ADAMTS7: variants seen among roughly 807,000 people sequenced by gnomAD.
ADAMTS7 encodes the protein A disintegrin and metalloproteinase with thrombospondin motifs 7.
A neutral mutation model predicts 172.6 loss-of-function variants in ADAMTS7; 89 were observed. That is an observed-to-expected ratio of 0.52 (90% CI 0.43 to 0.61). The LOEUF is 0.61. Ranked by LOEUF, ADAMTS7 falls within the 20% of genes least tolerant of loss-of-function variation. The pLI is 0.00. For synonymous variants in ADAMTS7, 885 were observed against 978.4 expected (o/e 0.90, Z 1.78); for missense variants, 1,973 against 2,355.6 (o/e 0.84, Z 3.36).
intron 22 of ADAMTS7, among the ~76,000 whole-genome samples, chr15:78,763,124 T>TC (rs1446065353): frequency 2.3e-4 from 35 of 152,160 alleles, no homozygotes; most frequent in African/African-American, 7.7e-4. Flanking sequence ...GACCCTCCTC[T>TC]CCTAAGCTGT....
At position 78,800,316 on chromosome 15, in the gene ADAMTS7, C is replaced by A. The variant is rs780154071; in HGVS notation, c.332G>T (p.Arg111Leu). Reference sequence around the variant, plus strand: ...CGCGCGGCCCAGGCCGCCGCGCCGCCGCGTCTCGCTCACAAAGCCGGGCGC... The same window carrying A: ...CGCGCGGCCCAGGCCGCCGCGCCGCAGCGTCTCGCTCACAAAGCCGGGCGC... ...LLAPGFVSET[R>L]RRGGLGRAHI... is the part of the protein sequence containing the mutation. Residue 111 changes from arginine to leucine, a missense_variant, in exon 2 of 24, where the codon CGG becomes CTG. Coordinates refer to ENST00000388820, the MANE Select transcript of ADAMTS7 (RefSeq NM_014272.5). 3.8e-6 allele frequency: 6 copies of A among 1,594,284 alleles called. No individual in the cohort carries two copies. The highest frequency in any genetic ancestry group is 3.3e-5 in the South Asian group (3 of 89,878).
chr15:78,783,610 T>G (rs2055462885), intron 8 of ADAMTS7, among the ~76,000 whole-genome samples: 1 of 152,084 alleles, frequency 6.6e-6, no homozygotes, highest in Non-Finnish European at 1.5e-5. Context: ...AAATATTTTT[T>G]TAAAAATAAC....
chr15:78,774,896 T>A (rs1367555816), intron 11 of ADAMTS7, 103 bp from the exon 12 acceptor site: 3 of 1,386,688 alleles, frequency 2.2e-6, no homozygotes, highest in Non-Finnish European at 2.9e-6. Flanking sequence ...CACCCCGAGA[T>A]CCCTGCTGCC....
intron 1 of ADAMTS7, among the ~76,000 whole-genome samples, chr15:78,802,056 C>T (rs1298209669): frequency 6.6e-6 from 1 of 151,826 alleles, no homozygotes; most frequent in Non-Finnish European, 1.5e-5. Flanking sequence ...AGGCTGGTCT[C>T]GAACTCCAGG....
chr15:78,760,865 C>T (rs4887095), intron 23 of ADAMTS7, among the ~76,000 whole-genome samples: 4 of 151,828 alleles, frequency 2.6e-5, no homozygotes, highest in Admixed American at 1.3e-4. Context: ...CACTCACACC[C>T]GCCCCTGGGA....
In ADAMTS7 at chr15:78,767,608, A is replaced by C; in HGVS notation, c.2646-16T>G. On this transcript the variant is annotated splice_polypyrimidine_tract_variant and intron_variant, in intron 17 of 23. Transcript: ENST00000388820. ...TGCCCACCACCTGGCGAGGGCACAC[A>C]GGTGGCATCAGTGTGGCATCAGACA... 5 of 1,525,830 alleles carry C rather than the reference A, an allele frequency of 3.3e-6. No homozygotes were observed. Among genetic ancestry groups the C allele is most frequent in the Non-Finnish European group, 4.4e-6 (5 of 1,133,366 alleles). 94.5% of individuals were successfully genotyped at this position (1,525,830 alleles called of 1,614,324 possible).
intron 17 of ADAMTS7, 85 bp downstream of exon 17, chr15:78,768,048 T>C: frequency 4.7e-6 from 2 of 428,900 alleles, no homozygotes; most frequent in Admixed American, 4.5e-5. Context: ...TGGCGGGGGA[T>C]GGGGTGGGGA....
Position 78,811,315 on chromosome 15 carries a change from C to A in ADAMTS7, c.-95G>T. 2.5e-6 allele frequency: 3 copies of A among 1,208,766 alleles called. No individual in the cohort carries two copies. The South Asian group carries it at 1.3e-4, about 52-fold the overall frequency. 74.9% of individuals were successfully genotyped at this position (1,208,766 alleles called of 1,614,324 possible). A position where few individuals can be genotyped will look rare whatever the true frequency, so the allele number is the denominator to read the frequency against. On this transcript the variant is annotated 5_prime_UTR_variant, in exon 1 of 24. Transcript: ENST00000388820. The stretch of plus-strand genomic sequence containing the variant: ...GGTCCCAGGTCCGGCTCAGGACATG[C>A]CCGGCCGGCGTGCAGCTCCCGGCGA...
intron 8 of ADAMTS7, among the ~76,000 whole-genome samples, chr15:78,787,651 G>A (rs763637525): frequency 1.2e-4 from 18 of 152,190 alleles, no homozygotes; most frequent in Non-Finnish European, 5.9e-5. Context: ...GCAACACAGC[G>A]AGACTCTGTC....
intron 2 of ADAMTS7, among the ~76,000 whole-genome samples, chr15:78,798,741 G>C (rs115793377): frequency 6.6e-6 from 1 of 152,204 alleles, no homozygotes; most frequent in Non-Finnish European, 1.5e-5. Flanking sequence ...AGGGAGGGGA[G>C]GGGCCCTGGG....
intron 8 of ADAMTS7, among the ~76,000 whole-genome samples, chr15:78,780,189 C>T (rs1454445650): frequency 2.7e-5 from 4 of 147,426 alleles, no homozygotes; most frequent in Non-Finnish European, 4.5e-5. Flanking sequence ...TCTGCGCTGC[C>T]GACACACCCG....
At chr15:78,777,422 C>T (rs1363672078) in intron 9 of ADAMTS7, 22 bp downstream of exon 9, 9 of 1,608,384 alleles carry the variant, frequency 5.6e-6, no homozygotes, top group South Asian at 1.1e-5. Context: ...CACACCCCCA[C>T]ACCCACACCG....
chr15:78,773,967 T>A (rs1187985925), intron 13 of ADAMTS7, among the ~76,000 whole-genome samples, 200 bp downstream of exon 13: 1 of 151,856 alleles, frequency 6.6e-6, no homozygotes, highest in African/African-American at 2.4e-5. Context: ...GCCTTAGAGG[T>A]CATAGAGGGT....
chr15:78,789,617 G>A, intron 7 of ADAMTS7, 72 bp downstream of exon 7: 1 of 1,575,448 alleles, frequency 6.3e-7, no homozygotes, highest in Non-Finnish European at 8.7e-7. Flanking sequence ...CCCACAGGCT[G>A]GATACCCGGT....
At position 78,766,632 on chromosome 15, in the gene ADAMTS7, G is replaced by T; in HGVS notation, c.3279C>A (p.Asp1093Glu). Residue 1093 changes from aspartate to glutamate, a missense_variant, in exon 19 of 24, where the codon GAC becomes GAA. By Grantham distance (45) the Asp-to-Glu change is conservative. This residue lies in a region of ADAMTS7 where 771 missense variants were observed against 952.6 expected (regional missense o/e 0.81). Transcript: ENST00000388820. Reference protein sequence around the residue: ...EPDLDLAGTGDRTPPPHSHPA... With the variant: ...EPDLDLAGTGERTPPPHSHPA... Reference sequence around the variant, plus strand: ...GATGGCTGTGTGGTGGGGGTGTCCGGTCCCCTGTCCCCGCCAGGTCTAGAT... The same window carrying T: ...GATGGCTGTGTGGTGGGGGTGTCCGTTCCCCTGTCCCCGCCAGGTCTAGAT... The T allele has an allele frequency of 6.3e-7, 1 of 1,599,304 alleles. No homozygotes were observed. The highest frequency in any genetic ancestry group is 1.1e-5 in the South Asian group (1 of 90,414).
intron 8 of ADAMTS7, among the ~76,000 whole-genome samples, chr15:78,783,344 A>G (rs1358982330): frequency 6.6e-6 from 1 of 152,156 alleles, no homozygotes; most frequent in East Asian, 1.9e-4. Flanking sequence ...ATCTCAGTTC[A>G]CTGCAGCCTC....
chr15:78,792,193 G>A (rs143703224), intron 4 of ADAMTS7, among the ~76,000 whole-genome samples: 38 of 152,240 alleles, frequency 2.5e-4, no homozygotes, highest in African/African-American at 7.9e-4. Flanking sequence ...GATAAACAGC[G>A]ATATCATGTG....
intron 3 of ADAMTS7, 124 bp downstream of exon 3, chr15:78,797,824 G>T: frequency 9.1e-7 from 1 of 1,102,950 alleles, no homozygotes; most frequent in Non-Finnish European, 1.3e-6. Context: ...GTATCCATCT[G>T]TCTGTCTGTG....
chr15:78,772,357 G>T (rs1170212967), intron 14 of ADAMTS7, among the ~76,000 whole-genome samples: 1 of 152,178 alleles, frequency 6.6e-6, no homozygotes, highest in Non-Finnish European at 1.5e-5. Context: ...ATCCTGCTGC[G>T]GTATGAGCAG....
Sources: allele counts gnomAD v4.1 joint callset (sites outside exome capture counted in the v4.1 genomes callset), GRCh38; gene constraint gnomAD v4.1.1; regional missense constraint gnomAD v4.1.1; transcripts MANE v1.5; gene names NCBI Gene and HGNC (gene_info 2026-07-23, HGNC 2026-07-21).